Variants in SHANK2 observed in about 807,000 individuals in gnomAD.
SHANK2 encodes SH3 and multiple ankyrin repeat domains protein 2.
A neutral mutation model predicts 133.7 loss-of-function variants in SHANK2; 43 were observed. That is an observed-to-expected ratio of 0.32 (90% CI 0.25 to 0.41). The LOEUF (loss-of-function observed/expected upper bound fraction) is 0.41, where lower values mean the gene tolerates loss of function less well. Ranked by LOEUF, SHANK2 falls within the 10% of genes least tolerant of loss-of-function variation. The pLI is 1.00. For missense variants in SHANK2, 1,994 were observed against 2,235.8 expected (o/e 0.89, Z 2.18); for synonymous variants, 1,017 against 952.8 (o/e 1.07, Z -1.24).
chr11:71,145,115 C>T (rs1490360263), intron 3 of SHANK2, among the ~76,000 whole-genome samples: 1 of 152,174 alleles, frequency 6.6e-6, no homozygotes, highest in African/African-American at 2.4e-5. Context: ...TCCTGAACAG[C>T]CTTTGTACTA....
intron 1 of SHANK2, among the ~76,000 whole-genome samples, chr11:71,234,293 C>T (rs1464098947): frequency 6.7e-6 from 1 of 149,276 alleles, no homozygotes; most frequent in Admixed American, 6.7e-5. Flanking sequence ...ACCTGGGAGG[C>T]GGAGGCTGCA....
intron 17 of SHANK2, among the ~76,000 whole-genome samples, chr11:70,627,664 G>T (rs2060922433): frequency 6.6e-6 from 1 of 152,196 alleles, no homozygotes; most frequent in Non-Finnish European, 1.5e-5. Flanking sequence ...ATATATCCTG[G>T]AGATGGGACC....
intron 17 of SHANK2, among the ~76,000 whole-genome samples, chr11:70,654,723 T>C (rs1430432677): frequency 1.3e-5 from 2 of 151,178 alleles, no homozygotes; most frequent in South Asian, 2.1e-4. Context: ...CCCAACTCCT[T>C]GTTTTTGCCA....
Position 70,807,529 on chromosome 11 carries a change from A to C in SHANK2, c.1494-358T>G, listed in dbSNP as rs1555052257. The stretch of plus-strand genomic sequence containing the variant: ...TACAATGGAACGCTGTTTAGCCTCC[A>C]TCAGGAATTAAACTCTGGGCCAGGC... On this transcript the variant is annotated intron_variant, in intron 12 of 25. Coordinates refer to ENST00000601538, the MANE Select transcript of SHANK2 (RefSeq NM_012309.5). The surrounding 1 kb of genome is among the most constrained non-coding windows in gnomAD (Gnocchi z 4.8). Among the ~76,000 whole-genome samples, 5 of 152,190 alleles carry C rather than the reference A, an allele frequency of 3.3e-5. No individual in the cohort carries two copies.
chr11:70,808,325 CTGAG>C (rs1948207252), intron 12 of SHANK2, among the ~76,000 whole-genome samples: 1 of 152,056 alleles, frequency 6.6e-6, no homozygotes, highest in Non-Finnish European at 1.5e-5. Flanking sequence ...CCTCAGCCTC[CTGAG>C]TACCTGGGAT....
chr11:71,237,700 A>G (rs1236959404), intron 1 of SHANK2, among the ~76,000 whole-genome samples: 1 of 152,220 alleles, frequency 6.6e-6, no homozygotes, highest in Non-Finnish European at 1.5e-5. Flanking sequence ...CCCCAAGCCC[A>G]CCACAATGCA....
chr11:71,220,132 C>T lies in SHANK2; in HGVS notation c.-13+4565G>A, dbSNP rs563394782. Among the ~76,000 whole-genome samples the T allele has an allele frequency of 2.0e-4, 30 of 151,998 alleles. No individual in the cohort carries two copies. In the East Asian group the frequency reaches 5.0e-3, roughly 25 times the overall value. ...CTGTGGTCCCAACTACTCAGGAGGC[C>T]GAGATGGAAAGGAGGATTGCTTGGG... On this transcript the variant is annotated intron_variant, in intron 2 of 25. Transcript: ENST00000601538.
At chr11:71,209,861 C>T (rs1455476148) in intron 2 of SHANK2, among the ~76,000 whole-genome samples, 1 of 152,012 alleles carries the variant, frequency 6.6e-6, no homozygotes, top group African/African-American at 2.4e-5. Context: ...CCTGGCACCC[C>T]GTGGGGGCTC....
intron 3 of SHANK2, among the ~76,000 whole-genome samples, chr11:71,132,172 G>A (rs1471688694): frequency 2.0e-5 from 3 of 152,226 alleles, no homozygotes; most frequent in Non-Finnish European, 1.5e-5. Flanking sequence ...GGAGAGCAGC[G>A]AGGGAAGGGT....
At chr11:70,890,116 C>T (rs1949816549) in intron 11 of SHANK2, among the ~76,000 whole-genome samples, 1 of 152,182 alleles carries the variant, frequency 6.6e-6, no homozygotes, top group Non-Finnish European at 1.5e-5. Context: ...ACATTATCTT[C>T]CATGGTCATC....
At chr11:71,231,110 T>C (rs1954733763) in intron 1 of SHANK2, among the ~76,000 whole-genome samples, 1 of 152,170 alleles carries the variant, frequency 6.6e-6, no homozygotes, top group South Asian at 2.1e-4. Flanking sequence ...AAAGACCTGC[T>C]GAAAGGAGAA....
chr11:70,744,439 C>T (rs1365766532), intron 14 of SHANK2, among the ~76,000 whole-genome samples: 1 of 152,216 alleles, frequency 6.6e-6, no homozygotes, highest in African/African-American at 2.4e-5. Flanking sequence ...TGGGGCCTGG[C>T]AGGCTATGCC....
chr11:70,531,459 G>A (rs1398511645), intron 17 of SHANK2, among the ~76,000 whole-genome samples: 1 of 152,236 alleles, frequency 6.6e-6, no homozygotes, highest in African/African-American at 2.4e-5. Flanking sequence ...TCCCACACTA[G>A]ACTGACTGCC....
intron 14 of SHANK2, among the ~76,000 whole-genome samples, chr11:70,755,813 G>A (rs188316398): frequency 7.0e-4 from 107 of 152,366 alleles, no homozygotes; most frequent in African/African-American, 2.3e-3. Flanking sequence ...CGCGGCTTCC[G>A]GAGGGGCCTC....
At chr11:71,205,566 G>T (rs1206847402) in intron 2 of SHANK2, among the ~76,000 whole-genome samples, 1 of 152,194 alleles carries the variant, frequency 6.6e-6, no homozygotes, top group Non-Finnish European at 1.5e-5. Context: ...AGTCCCTCTA[G>T]CTGTTTGTTA....
chr11:70,953,361 T>C (rs1950873168), intron 10 of SHANK2, among the ~76,000 whole-genome samples: 1 of 151,690 alleles, frequency 6.6e-6, no homozygotes, highest in Non-Finnish European at 1.5e-5. Context: ...CAAGCAGAAG[T>C]CTCACAACAA....
chr11:71,084,733 T>G (rs1359178449), intron 8 of SHANK2, among the ~76,000 whole-genome samples: 2 of 152,196 alleles, frequency 1.3e-5, no homozygotes, highest in East Asian at 3.9e-4. Flanking sequence ...GTGAGAACCC[T>G]ACAGGCAGCA....
intron 14 of SHANK2, among the ~76,000 whole-genome samples, chr11:70,758,830 G>T (rs531098222): frequency 2.0e-5 from 3 of 152,284 alleles, no homozygotes; most frequent in African/African-American, 7.2e-5. Flanking sequence ...CTAAGCCCCC[G>T]ACTGACTGGA....
In SHANK2 at chr11:70,599,475, C is replaced by T. The variant is rs1174617226; in HGVS notation, c.2061+60353G>A. ...ACAGAAAATTAGCCGGGCGAGGTGG[C>T]GGGCGCCTGTAGTCCCAGCTACTCG... On this transcript the variant is annotated intron_variant, in intron 17 of 25. Transcript: ENST00000601538. 8.1e-5 allele frequency among the ~76,000 whole-genome samples: 11 copies of T among 135,430 alleles called. 2 individuals carry two copies. Among genetic ancestry groups the T allele is most frequent in the African/African-American group, 2.4e-4 (9 of 38,072 alleles). 88.8% of individuals were successfully genotyped at this position (135,430 alleles called of 152,430 possible).
Sources: allele counts gnomAD v4.1 joint callset (sites outside exome capture counted in the v4.1 genomes callset), GRCh38; gene constraint gnomAD v4.1.1; non-coding constraint Gnocchi (gnomAD v3.1); transcripts MANE v1.5; gene names NCBI Gene and HGNC (gene_info 2026-07-23, HGNC 2026-07-21).